Variants in CDH18 observed in about 807,000 individuals in gnomAD.
CDH18 encodes cadherin-18.
A neutral mutation model predicts 67.9 loss-of-function variants in CDH18; 31 were observed. That is an observed-to-expected ratio of 0.46 (90% confidence interval 0.34 to 0.62). The LOEUF is 0.62. Among genes scored for constraint, CDH18 ranks in the 20% least tolerant of loss-of-function variants. The pLI, the probability that CDH18 is intolerant of heterozygous loss-of-function variation, is 0.01. For synonymous variants in CDH18, 362 were observed against 347.2 expected (o/e 1.04, Z -0.48); for missense variants, 890 against 975.5 (o/e 0.91, Z 1.17).
intron 2 of CDH18, among the ~76,000 whole-genome samples, chr5:19,872,421 T>G: frequency 6.6e-6 from 1 of 152,220 alleles, no homozygotes; most frequent in East Asian, 1.9e-4. Context: ...TTGAATCAGT[T>G]GACTGAGGCA....
In CDH18 at chr5:20,141,099, G is replaced by T. The variant is rs533383770; in HGVS notation, c.-518+114345C>A. On this transcript the variant is annotated intron_variant, in intron 2 of 14. Transcript: ENST00000507958. The stretch of plus-strand genomic sequence containing the variant: ...CTCTGCATCCCCAGGAAGAAATTCT[G>T]ATTTGCCTGAATCACAGTGTAAGTA... 3.3e-5 allele frequency among the ~76,000 whole-genome samples: 5 copies of T among 152,216 alleles called. No homozygotes were observed. The South Asian group carries it at 1.0e-3, about 32-fold the overall frequency.
At chr5:20,125,702 T>C (rs1459300636) in intron 2 of CDH18, among the ~76,000 whole-genome samples, 8 of 152,284 alleles carry the variant, frequency 5.3e-5, no homozygotes, top group Non-Finnish European at 4.4e-5. Context: ...CATGCATCAA[T>C]TTTTTTAAAA....
chr5:19,735,247 T>G (rs1225770489), intron 4 of CDH18, among the ~76,000 whole-genome samples: 1 of 152,128 alleles, frequency 6.6e-6, no homozygotes, highest in Non-Finnish European at 1.5e-5. Context: ...TCTCAGTGGT[T>G]GCTTTAATCA....
intron 1 of CDH18, among the ~76,000 whole-genome samples, chr5:20,347,774 A>G (rs1490040603): frequency 2.0e-5 from 3 of 152,164 alleles, no homozygotes; most frequent in African/African-American, 2.4e-5. Flanking sequence ...AGTCAGCCCA[A>G]ACTCAAGCAT....
intron 10 of CDH18, among the ~76,000 whole-genome samples, chr5:19,505,312 C>T (rs1472724909): frequency 6.6e-6 from 1 of 151,978 alleles, no homozygotes; most frequent in Non-Finnish European, 1.5e-5. Context: ...CCTTTATTTC[C>T]TTCTCCTGCC....
chr5:20,007,419 T>G (rs1736991927), intron 2 of CDH18, among the ~76,000 whole-genome samples: 1 of 151,992 alleles, frequency 6.6e-6, no homozygotes. Context: ...GATTCATGCT[T>G]GAAAAAAATT....
chr5:19,689,179 A>G (rs146860386), intron 5 of CDH18, among the ~76,000 whole-genome samples: 119 of 152,242 alleles, frequency 7.8e-4, no homozygotes, highest in African/African-American at 2.6e-3. Flanking sequence ...GTAAACTTAG[A>G]GATTCTCAAA....
At chr5:19,723,446 T>C (rs934862012) in intron 4 of CDH18, among the ~76,000 whole-genome samples, 2 of 152,150 alleles carry the variant, frequency 1.3e-5, no homozygotes, top group African/African-American at 4.8e-5. Flanking sequence ...GGCCCCTAAA[T>C]AGTATTTTAA....
At chr5:20,384,501 G>T (rs576266703) in intron 1 of CDH18, among the ~76,000 whole-genome samples, 1 of 152,164 alleles carries the variant, frequency 6.6e-6, no homozygotes, top group African/African-American at 2.4e-5. Flanking sequence ...TGGATACTTA[G>T]GTTGATTTCA....
chr5:20,438,024 A>G (rs1236078736), intron 1 of CDH18, among the ~76,000 whole-genome samples: 1 of 151,364 alleles, frequency 6.6e-6, no homozygotes, highest in Non-Finnish European at 1.5e-5. Context: ...TGACATTATA[A>G]CATGAATATA....
intron 1 of CDH18, among the ~76,000 whole-genome samples, chr5:20,308,381 A>G (rs1239011937): frequency 2.6e-5 from 4 of 151,844 alleles, no homozygotes; most frequent in African/African-American, 9.7e-5. Flanking sequence ...CATCTCTACT[A>G]AAATACAAAA....
chr5:20,150,562 C>T (rs1242168399), intron 2 of CDH18, among the ~76,000 whole-genome samples: 8 of 151,970 alleles, frequency 5.3e-5, no homozygotes, highest in East Asian at 1.9e-4. Flanking sequence ...GGTTTAGACA[C>T]GTCTAGCATA....
At chr5:19,908,263 A>G (rs185443634) in intron 2 of CDH18, among the ~76,000 whole-genome samples, 79 of 152,220 alleles carry the variant, frequency 5.2e-4, no homozygotes, top group Non-Finnish European at 8.5e-4. Context: ...TTTCAAAGCA[A>G]GAGAATTTTG....
intron 6 of CDH18, among the ~76,000 whole-genome samples, chr5:19,597,227 G>C (rs529879050): frequency 1.3e-5 from 2 of 152,192 alleles, no homozygotes; most frequent in Non-Finnish European, 2.9e-5. Flanking sequence ...ACTGAGGTAA[G>C]CCTTTGGGCA....
intron 1 of CDH18, among the ~76,000 whole-genome samples, chr5:20,288,880 T>G (rs1478124987): frequency 6.6e-6 from 1 of 151,964 alleles, no homozygotes; most frequent in Non-Finnish European, 1.5e-5. Flanking sequence ...TTAAGATATA[T>G]TTCAAAAAAT....
intron 1 of CDH18, among the ~76,000 whole-genome samples, chr5:20,467,356 C>T (rs1029727093): frequency 6.6e-6 from 1 of 151,814 alleles, no homozygotes; most frequent in African/African-American, 2.4e-5. Flanking sequence ...CTCTTCATGG[C>T]CAAATGTGCT....
chr5:20,185,727 C>T (rs549302736), intron 2 of CDH18, among the ~76,000 whole-genome samples: 16 of 152,144 alleles, frequency 1.1e-4, no homozygotes, highest in African/African-American at 3.9e-4. Context: ...AGAACAATGG[C>T]CACCATACTT....
chr5:19,667,990 C>T (rs1758201561), intron 5 of CDH18, among the ~76,000 whole-genome samples: 1 of 151,824 alleles, frequency 6.6e-6, no homozygotes, highest in African/African-American at 2.4e-5. Context: ...TTTAGTTTAA[C>T]CAATAATAAT....
At chr5:20,475,558 T>A (rs776428959) in intron 1 of CDH18, among the ~76,000 whole-genome samples, 1 of 152,324 alleles carries the variant, frequency 6.6e-6, no homozygotes, top group South Asian at 2.1e-4. Context: ...AGGAAAGCCA[T>A]TGATTTTGCA....
Sources: allele counts gnomAD v4.1 joint callset (sites outside exome capture counted in the v4.1 genomes callset), GRCh38; gene constraint gnomAD v4.1.1; transcripts MANE v1.5; gene names NCBI Gene and HGNC (gene_info 2026-07-23, HGNC 2026-07-21).